The following ECH1 variants were observed in gnomAD, a reference collection of about 807,000 sequenced individuals.
ECH1 encodes the protein enoyl-CoA hydratase 1.
Under a neutral mutation model 37.0 loss-of-function variants are expected in ECH1, and 30 were observed. That is an observed-to-expected ratio of 0.81 (90% CI 0.61 to 1.10). The LOEUF is 1.10. Among genes scored for constraint, ECH1 ranks in the 50% least tolerant of loss-of-function variants. ECH1 has a pLI of 0.00. For missense variants in ECH1, 456 were observed against 441.6 expected, an observed-to-expected ratio of 1.03 and a Z score of -0.29; for synonymous variants, 178 against 176.0, an observed-to-expected ratio of 1.01 and a Z score of -0.09.
At chr19:38,819,477 G>A (rs1168686528) in intron 3 of ECH1, among the ~76,000 whole-genome samples, 1 of 151,858 alleles carries the variant, frequency 6.6e-6, no homozygotes, top group African/African-American at 2.4e-5. Context: ...TCTGCTTGAG[G>A]GTCTGACTCC....
At chr19:38,829,146 G>T (rs1971780299) in intron 3 of ECH1, among the ~76,000 whole-genome samples, 1 of 151,460 alleles carries the variant, frequency 6.6e-6, no homozygotes, top group South Asian at 2.1e-4. Context: ...TTAGCCAGGC[G>T]TGGTGCCGGG....
intron 3 of ECH1, among the ~76,000 whole-genome samples, chr19:38,826,618 T>C (rs1179883579): frequency 6.6e-6 from 1 of 152,194 alleles, no homozygotes; most frequent in Non-Finnish European, 1.5e-5. Flanking sequence ...GGCAGCAGAA[T>C]GGTTCACAGT....
At chr19:38,816,992 C>G in intron 6 of ECH1, 73 bp downstream of exon 6, 1 of 1,496,024 alleles carries the variant, frequency 6.7e-7, no homozygotes, top group South Asian at 1.2e-5. Flanking sequence ...ATGAAGCCCT[C>G]GAGGCTCACT....
At chr19:38,830,833 T>A in intron 3 of ECH1, 3 of 514,980 alleles carry the variant, frequency 5.8e-6, no homozygotes, top group Non-Finnish European at 1.0e-5. Flanking sequence ...ATTAGCTGGG[T>A]GTGGTGGCCC....
chr19:38,818,365 A>G (rs1971608772), intron 3 of ECH1: 1 of 985,398 alleles, frequency 1.0e-6, no homozygotes, highest in African/African-American at 1.7e-5. Flanking sequence ...CCTTTCCTGC[A>G]TCAGTTGTTC....
chr19:38,823,515 A>T (rs1382054481), intron 3 of ECH1, among the ~76,000 whole-genome samples: 1 of 152,216 alleles, frequency 6.6e-6, no homozygotes, highest in Non-Finnish European at 1.5e-5. Flanking sequence ...CCGCTGGACT[A>T]AAGACATGGG....
At chr19:38,816,228 C>T in intron 8 of ECH1, 56 bp downstream of exon 8, 1 of 1,599,106 alleles carries the variant, frequency 6.3e-7, no homozygotes, top group South Asian at 1.1e-5. Flanking sequence ...GGAGAGGCCT[C>T]CAACCCTCCA....
intron 3 of ECH1, chr19:38,819,009 G>A (rs983587375): frequency 2.5e-5 from 11 of 437,122 alleles, no homozygotes; most frequent in Middle Eastern, 1.1e-3. Context: ...GTGTGTGTGT[G>A]CGGGCACGTG....
intron 3 of ECH1, chr19:38,823,083 C>G (rs1276629945): frequency 2.6e-5 from 4 of 153,168 alleles, no homozygotes; most frequent in African/African-American, 9.6e-5. Context: ...ATAACACTCA[C>G]TGCGAAGGTC....
intron 3 of ECH1, chr19:38,830,770 G>A (rs1971807433): frequency 2.9e-6 from 1 of 345,240 alleles, no homozygotes; most frequent in Non-Finnish European, 5.4e-6. Context: ...GTCAGGAGAT[G>A]GAGACCATCC....
At position 38,815,570 on chromosome 19, in the gene ECH1, G is replaced by C; in HGVS notation, c.*43C>G. On this transcript the variant is annotated 3_prime_UTR_variant, in exon 10 of 10. Coordinates refer to ENST00000221418, the MANE Select transcript of ECH1 (RefSeq NM_001398.3). ...TCCTCCCTTTCTGTGGATGAGGCGG[G>C]ACAAGGCCGGCCCCCTGGCTGGGGC... 1 of 1,591,366 alleles carries C rather than the reference G, an allele frequency of 6.3e-7. No individual in the cohort carries two copies. The highest frequency in any genetic ancestry group is 8.6e-7 in the Non-Finnish European group (1 of 1,160,700).
intron 3 of ECH1, chr19:38,819,084 C>T (rs375587031): frequency 2.0e-5 from 20 of 983,784 alleles, no homozygotes; most frequent in African/African-American, 5.2e-5. Context: ...CCAGCCTGGG[C>T]GACAGAGCAA....
chr19:38,822,121 T>C (rs1437728528), intron 3 of ECH1, among the ~76,000 whole-genome samples: 2 of 152,100 alleles, frequency 1.3e-5, no homozygotes, highest in East Asian at 3.9e-4. Context: ...CAGCACCCTG[T>C]GTCTAGCTCA....
At chr19:38,819,907 G>A (rs112267651) in intron 3 of ECH1, among the ~76,000 whole-genome samples, 170 of 151,960 alleles carry the variant, frequency 1.1e-3, no homozygotes, top group African/African-American at 3.6e-3. Context: ...AGCTATGATC[G>A]CGCCACTGCA....
rs770757490 is a variant in ECH1 at position 38,817,485 on chromosome 19, GTGA to G, written c.437_439del (p.Ile146del). 1.2e-5 allele frequency: 19 copies of G among 1,613,976 alleles called. No homozygotes were observed. Among genetic ancestry groups the G allele is most frequent in the Non-Finnish European group, 3.4e-6 (4 of 1,179,960 alleles). On this transcript the variant is annotated inframe_deletion, in exon 4 of 10. Transcript: ENST00000221418. Reference sequence around the variant, plus strand: ...GACGTTGAAGGTCTCCTGGTATCGAGTGATGATGTCACGGAGGTACCAGCTGAT... The same window carrying G: ...GACGTTGAAGGTCTCCTGGTATCGAGTGATGTCACGGAGGTACCAGCTGAT...
At chr19:38,830,741 GAGGC>G (rs1446783025) in intron 3 of ECH1, among the ~76,000 whole-genome samples, 7 of 151,950 alleles carry the variant, frequency 4.6e-5, no homozygotes, top group African/African-American at 1.7e-4. Context: ...TTGGGAGGCT[GAGGC>G]AGGCAGATCA....
chr19:38,816,909 C>T lies in ECH1; in HGVS notation c.588+156G>A, dbSNP rs1027330265. 29 of 840,910 alleles carry T rather than the reference C, an allele frequency of 3.4e-5. No homozygotes were observed. The Admixed American group carries it at 6.0e-4, about 17-fold the overall frequency. 52.1% of individuals were successfully genotyped at this position (840,910 alleles called of 1,614,324 possible). ...GCCTCAACCCCACCTCATACCTTAC[C>T]CACTCACAACTTCACCTCTTGACTT... On this transcript the variant is annotated intron_variant, in intron 6 of 9. Coordinates refer to ENST00000221418, the MANE Select transcript of ECH1 (RefSeq NM_001398.3).
rs185668644 is a variant in ECH1 at position 38,831,495 on chromosome 19, G to A, written c.74C>T (p.Pro25Leu). 3.1e-6 allele frequency: 5 copies of A among 1,613,952 alleles called. No individual in the cohort carries two copies. Among genetic ancestry groups the A allele is most frequent in the African/African-American group, 1.3e-5 (1 of 75,006 alleles). ...GAGGCGAAGGCTAATACTGAGTCCC[G>A]GGTAGTTGGAGCCTGTCAGTCCTGG... ...LTRRLTGSNY[P>L]GLSISLRLTG... Residue 25 changes from proline to leucine, a missense_variant, in exon 2 of 10, where the codon CCG becomes CTG. Physicochemically the swap from Pro to Leu is moderately conservative, Grantham distance 98. Transcript: ENST00000221418.
intron 3 of ECH1, chr19:38,823,057 C>T (rs1399561350): frequency 6.6e-6 from 1 of 152,534 alleles, no homozygotes; most frequent in Non-Finnish European, 1.5e-5. Context: ...ACTCTGGACG[C>T]ACCGCCTTAA....
Sources: gnomAD v4.1 joint callset for allele counts (sites outside exome capture counted in the v4.1 genomes callset) on GRCh38, gnomAD v4.1.1 for gene constraint, MANE v1.5 for transcripts, NCBI Gene and HGNC (gene_info 2026-07-23, HGNC 2026-07-21) for gene names.